Variants in MLLT10 observed in about 807,000 individuals in gnomAD.
The protein encoded by MLLT10 is MLLT10 histone lysine methyltransferase DOT1L cofactor.
MLLT10 carries 30 observed loss-of-function variants against 129.1 expected under a neutral mutation model. That is an observed-to-expected ratio of 0.23 (90% CI 0.17 to 0.32). The LOEUF is 0.32. Among genes scored for constraint, MLLT10 ranks in the 10% least tolerant of loss-of-function variants. MLLT10 has a pLI of 1.00. For missense variants in MLLT10, 1,119 were observed against 1,268.3 expected, an observed-to-expected ratio of 0.88 and a Z score of 1.79; for synonymous variants, 490 against 446.4, an observed-to-expected ratio of 1.10 and a Z score of -1.23.
intron 5 of MLLT10, among the ~76,000 whole-genome samples, chr10:21,604,445 C>T (rs1386095067): frequency 6.6e-6 from 1 of 151,976 alleles, no homozygotes; most frequent in African/African-American, 2.4e-5. Flanking sequence ...CAAAAATTAG[C>T]GAGGTGTAGT....
chr10:21,552,208 G>T (rs149063958), intron 3 of MLLT10, among the ~76,000 whole-genome samples: 3 of 152,096 alleles, frequency 2.0e-5, no homozygotes, highest in African/African-American at 7.2e-5. Context: ...CTACAGGCGT[G>T]AGCTACCCTG....
chr10:21,597,649 G>C (rs944206314), intron 5 of MLLT10, among the ~76,000 whole-genome samples: 3 of 152,192 alleles, frequency 2.0e-5, no homozygotes, highest in Admixed American at 1.3e-4. Context: ...TGGGATTACA[G>C]GCGTGAGCCA....
At chr10:21,702,662 G>T (rs1203077443) in intron 13 of MLLT10, among the ~76,000 whole-genome samples, 2 of 151,202 alleles carry the variant, frequency 1.3e-5, no homozygotes, top group Non-Finnish European at 2.9e-5. Context: ...TTATCCCTTT[G>T]TCGTTATATA....
chr10:21,741,865 T>C, intron 22 of MLLT10, 74 bp from the exon 23 acceptor site: 1 of 1,492,206 alleles, frequency 6.7e-7, no homozygotes. Context: ...TTTATCTCAG[T>C]CACAGTTTCA....
Position 21,636,579 on chromosome 10 carries a change from C to CT in MLLT10, c.700-15082dup, listed in dbSNP as rs895419724. Among the ~76,000 whole-genome samples, 226 of 142,776 alleles carry CT rather than the reference C, an allele frequency of 1.6e-3. 1 individual carries two copies. The highest frequency in any genetic ancestry group is 0.013 in the East Asian group (65 of 4,932). The allele number at this position is 142,776 out of a possible 152,430, so 93.7% of individuals were successfully genotyped here. A position where few individuals can be genotyped will look rare whatever the true frequency, so the allele number is the denominator to read the frequency against. On this transcript the variant is annotated intron_variant, in intron 8 of 22. Coordinates refer to ENST00000307729, the MANE Select transcript of MLLT10 (RefSeq NM_001195626.3). The stretch of plus-strand genomic sequence containing the variant: ...TGCCTAATATGATTTCTTTTCTTTT[C>CT]TTTTTTTTTTTTGAGACGGAGTTTC...
intron 8 of MLLT10, among the ~76,000 whole-genome samples, chr10:21,623,691 C>G (rs1169182767): frequency 6.6e-6 from 1 of 152,180 alleles, no homozygotes; most frequent in African/African-American, 2.4e-5. Flanking sequence ...TCATTGCTGT[C>G]AAAGGACTCT....
intron 14 of MLLT10, among the ~76,000 whole-genome samples, chr10:21,719,013 C>T (rs911110005): frequency 2.6e-5 from 4 of 152,204 alleles, no homozygotes; most frequent in Non-Finnish European, 4.4e-5. Context: ...TGAGCCACCT[C>T]GCCTGGGCAT....
intron 8 of MLLT10, among the ~76,000 whole-genome samples, chr10:21,630,406 A>G (rs1416070768): frequency 1.3e-5 from 2 of 152,212 alleles, no homozygotes; most frequent in Non-Finnish European, 2.9e-5. Flanking sequence ...TCATTGGGAT[A>G]TGTTGGGTGA....
chr10:21,534,012 CCGCCCCCGCGTGCG>C (rs957012909), upstream of MLLT10, among the ~76,000 whole-genome samples: 9 of 151,930 alleles, frequency 5.9e-5, no homozygotes, highest in African/African-American at 1.9e-4. Context: ...CCTAACGTCC[CCGCCCCCGCGTGCG>C]CGCCCCCGCG....
At chr10:21,683,994 A>AT (rs562573187) in intron 13 of MLLT10, among the ~76,000 whole-genome samples, 18 of 146,398 alleles carry the variant, frequency 1.2e-4, no homozygotes, top group East Asian at 8.2e-4. Context: ...ATATAATTTT[A>AT]TTTTTTTTTC....
At position 21,740,074 on chromosome 10, in the gene MLLT10, C is replaced by T. The variant is rs1424668611; in HGVS notation, c.3000C>T (p.His1000=). 3.1e-6 allele frequency: 5 copies of T among 1,613,770 alleles called. No individual in the cohort carries two copies. In the East Asian group the frequency reaches 1.1e-4, roughly 36 times the overall value. ...AFLYQLMQHH[H]QQHHQPELQQ... ...TGTATCAGTTAATGCAACATCACCA[C>T]CAGCAGCACCACCAACCTGAACTTC... The change falls in exon 22 of 23, where the codon CAC becomes CAT. Residue 1000 remains histidine, a synonymous_variant. Transcript: ENST00000307729.
intron 3 of MLLT10, chr10:21,557,020 T>A: frequency 6.8e-7 from 1 of 1,462,028 alleles, no homozygotes; most frequent in Non-Finnish European, 9.0e-7. Flanking sequence ...TACCAAGTAC[T>A]AGTCTTCAGT....
At chr10:21,681,421 C>T (rs1223414140) in intron 12 of MLLT10, 45 bp downstream of exon 12, 1 of 1,358,562 alleles carries the variant, frequency 7.4e-7, no homozygotes, top group Non-Finnish European at 1.0e-6. Context: ...TTTGTCTCCT[C>T]TAGTGCTCTT....
At position 21,683,265 on chromosome 10, in the gene MLLT10, C is replaced by G. The variant is rs1051722000; in HGVS notation, c.1699+1008C>G. On this transcript the variant is annotated intron_variant, in intron 13 of 22. Transcript: ENST00000307729. ...TTTTTTATTAATTAGTAGATTGATTCATAATTCTTGTCTCCCTATGCAACC... is the reference window on the plus strand; with the variant it reads ...TTTTTTATTAATTAGTAGATTGATTGATAATTCTTGTCTCCCTATGCAACC... 6.6e-5 allele frequency among the ~76,000 whole-genome samples: 10 copies of G among 152,208 alleles called. No homozygotes were observed. In the East Asian group the frequency reaches 1.4e-3, roughly 21 times the overall value.
Position 21,632,913 on chromosome 10 carries a change from A to T in MLLT10, c.699+15706A>T, listed in dbSNP as rs559962026. On this transcript the variant is annotated intron_variant, in intron 8 of 22. Coordinates refer to ENST00000307729, the MANE Select transcript of MLLT10 (RefSeq NM_001195626.3). ...ATGACACAGCAGTATTATAATACAT[A>T]ACCTGATTTTAGAGATTTATTTAAA... Among the ~76,000 whole-genome samples, 14 of 152,304 alleles carry T rather than the reference A, an allele frequency of 9.2e-5. No individual in the cohort carries two copies. The East Asian group carries it at 2.5e-3, about 27-fold the overall frequency.
chr10:21,739,751 A>C (rs2058678236), intron 21 of MLLT10, among the ~76,000 whole-genome samples: 1 of 152,156 alleles, frequency 6.6e-6, no homozygotes, highest in African/African-American at 2.4e-5. Context: ...GTCCACCTTG[A>C]TTTCTCTTAA....
At chr10:21,555,676 T>A (rs10764313) in intron 3 of MLLT10, among the ~76,000 whole-genome samples, 51,861 of 114,618 alleles carry the variant, frequency 0.45, 9,932 homozygotes, top group Middle Eastern at 0.55. Flanking sequence ...TGTAAGACAA[T>A]TTTTTTTTTT....
intron 5 of MLLT10, among the ~76,000 whole-genome samples, chr10:21,596,539 G>A (rs1346439535): frequency 6.6e-6 from 1 of 151,860 alleles, no homozygotes; most frequent in Non-Finnish European, 1.5e-5. Flanking sequence ...TCCTCTGGAA[G>A]TTACACTGTA....
chr10:21,650,857 CT>C (rs2131320507), intron 8 of MLLT10, among the ~76,000 whole-genome samples: 1 of 152,144 alleles, frequency 6.6e-6, no homozygotes, highest in South Asian at 2.1e-4. Flanking sequence ...TTAGAGATAA[CT>C]AATTCATCTA....
Sources: allele counts gnomAD v4.1 joint callset (sites outside exome capture counted in the v4.1 genomes callset), GRCh38; gene constraint gnomAD v4.1.1; transcripts MANE v1.5; gene names NCBI Gene and HGNC (gene_info 2026-07-23, HGNC 2026-07-21).